Variants in ARHGEF12 observed in about 807,000 individuals in gnomAD.
The protein encoded by ARHGEF12 is KMT2A/ARHGEF12 fusion protein.
In ARHGEF12, 66 loss-of-function variants were observed where a neutral mutation model predicts 211.2. That is an observed-to-expected ratio of 0.31 (90% CI 0.26 to 0.38). The LOEUF (loss-of-function observed/expected upper bound fraction) is 0.38. Among genes scored for constraint, ARHGEF12 ranks in the 10% least tolerant of loss-of-function variants. The pLI, the probability that ARHGEF12 is intolerant of heterozygous loss-of-function variation, is 1.00. For missense variants in ARHGEF12, 1,429 were observed against 1,869.5 expected (o/e 0.76, Z 4.34); for synonymous variants, 592 against 638.4 (o/e 0.93, Z 1.09).
At chr11:120,402,978 TGTAA>T (rs1398440294) in intron 1 of ARHGEF12, among the ~76,000 whole-genome samples, 1 of 152,226 alleles carries the variant, frequency 6.6e-6, no homozygotes, top group Non-Finnish European at 1.5e-5. Flanking sequence ...TTGGTTAAAA[TGTAA>T]GTCTTACTCT....
chr11:120,413,980 A>C (rs142972749), intron 4 of ARHGEF12, among the ~76,000 whole-genome samples: 250 of 152,336 alleles, frequency 1.6e-3, no homozygotes, highest in African/African-American at 5.7e-3. Context: ...TTTCAGGAAC[A>C]GTTATAGAAT....
chr11:120,405,952 A>C, intron 1 of ARHGEF12, 166 bp from the exon 2 acceptor site: 2 of 553,396 alleles, frequency 3.6e-6, no homozygotes, highest in Non-Finnish European at 6.2e-6. Context: ...TAAGATACTT[A>C]AACATGGTGT....
At chr11:120,347,266 C>CTCTCTCTCTG (rs1426650315) in intron 1 of ARHGEF12, among the ~76,000 whole-genome samples, 120 of 133,594 alleles carry the variant, frequency 9.0e-4, no homozygotes, top group African/African-American at 3.3e-3. Flanking sequence ...CTCTCTCTCT[C>CTCTCTCTCTG]TGTCTGTGTG....
Position 120,392,359 on chromosome 11 carries a change from C to G in ARHGEF12, c.33-13759C>G, listed in dbSNP as rs141502235. On this transcript the variant is annotated intron_variant, in intron 1 of 40. Coordinates refer to ENST00000397843, the MANE Select transcript of ARHGEF12 (RefSeq NM_015313.3). ...TAATATCTTTTTTTAATAGCACTTA[C>G]CACGATTTGAAATTCTTTGGTACAA... Among the ~76,000 whole-genome samples the G allele has an allele frequency of 2.1e-3, 315 of 152,158 alleles. 4 individuals carry two copies. The highest frequency in any genetic ancestry group is 7.3e-3 in the African/African-American group (303 of 41,488).
At chr11:120,425,107 G>T (rs1011993092) in intron 7 of ARHGEF12, among the ~76,000 whole-genome samples, 1 of 152,076 alleles carries the variant, frequency 6.6e-6, no homozygotes, top group East Asian at 1.9e-4. Context: ...CCTCGAGCTG[G>T]CAGTGAGTTA....
rs17123855 is a variant in ARHGEF12, at chr11:120,362,088, A to G, written c.32+24813A>G. On this transcript the variant is annotated intron_variant, in intron 1 of 40. Transcript: ENST00000397843. ...GCTGCCACCAAAGTACCAAGAAAGA[A>G]TATCATGCTTGATGATAAAATAAAA... Among the ~76,000 whole-genome samples the G allele has an allele frequency of 8.2e-3, 1,252 of 152,368 alleles. 17 individuals are homozygous for G. Among genetic ancestry groups the G allele is most frequent in the African/African-American group, 0.027 (1,128 of 41,596 alleles).
Position 120,446,274 on chromosome 11 carries a change from C to T in ARHGEF12, c.1346-129C>T, listed in dbSNP as rs73584104. ...AATCAGAATTCTGGGATGAAATATA[C>T]GAACTGCCCTGAAGAACTTCCCTCT... On this transcript the variant is annotated intron_variant, in intron 16 of 40. Transcript: ENST00000397843. 2,636 of 345,578 alleles carry T rather than the reference C, an allele frequency of 7.6e-3. 62 individuals carry two copies. Among genetic ancestry groups the T allele is most frequent in the African/African-American group, 0.05 (2,345 of 46,692 alleles). 21.4% of individuals were successfully genotyped at this position (345,578 alleles called of 1,614,324 possible). A position where few individuals can be genotyped will look rare whatever the true frequency, so the allele number is the denominator to read the frequency against.
intron 4 of ARHGEF12, among the ~76,000 whole-genome samples, chr11:120,417,091 G>A (rs1336651006): frequency 6.6e-6 from 1 of 152,204 alleles, no homozygotes; most frequent in South Asian, 2.1e-4. Flanking sequence ...ATATTTGTTA[G>A]ACATTAAGCT....
chr11:120,376,866 C>T (rs1040487365), intron 1 of ARHGEF12, among the ~76,000 whole-genome samples: 1 of 152,126 alleles, frequency 6.6e-6, no homozygotes, highest in Non-Finnish European at 1.5e-5. Flanking sequence ...ATTTTTAGCT[C>T]CCACAAATGA....
chr11:120,366,709 C>A (rs1943430691), intron 1 of ARHGEF12, among the ~76,000 whole-genome samples: 2 of 152,172 alleles, frequency 1.3e-5, no homozygotes, highest in Non-Finnish European at 2.9e-5. Context: ...CAACATCCAA[C>A]ATCAGTGGAT....
intron 2 of ARHGEF12, among the ~76,000 whole-genome samples, chr11:120,406,793 C>T (rs910219731): frequency 6.6e-5 from 10 of 152,044 alleles, no homozygotes; most frequent in African/African-American, 9.7e-5. Flanking sequence ...CTCCTGACCT[C>T]GTGATTCGCC....
chr11:120,384,027 A>T (rs1201360795), intron 1 of ARHGEF12, among the ~76,000 whole-genome samples: 2 of 152,268 alleles, frequency 1.3e-5, no homozygotes, highest in Non-Finnish European at 2.9e-5. Flanking sequence ...GTTTCTTAGG[A>T]TACTTGGGCT....
chr11:120,338,009 G>A (rs1942409756), intron 1 of ARHGEF12: 1 of 658,320 alleles, frequency 1.5e-6, no homozygotes. Flanking sequence ...GTCCTTTATA[G>A]CACCTACCAG....
Position 120,489,085 on chromosome 11 carries a change from A to G in ARHGEF12, c.*4008A>G, listed in dbSNP as rs1038203904. On this transcript the variant is annotated 3_prime_UTR_variant, in exon 41 of 41. Transcript: ENST00000397843. ...GGTTGATTTGTCTTGTCCAAGTTAT[A>G]TTAGAAAAGTTGAGGAGTCGAGGAG... 1.8e-5 allele frequency: 4 copies of G among 222,502 alleles called. No homozygotes were observed. The highest frequency in any genetic ancestry group is 8.9e-5 in the African/African-American group (4 of 44,736). The allele number at this position is 222,502 out of a possible 1,614,324, so 13.8% of individuals were successfully genotyped here.
At position 120,381,512 on chromosome 11, in the gene ARHGEF12, G is replaced by A. The variant is rs12418364; in HGVS notation, c.33-24606G>A. Among the ~76,000 whole-genome samples the A allele has an allele frequency of 2.8e-3, 433 of 152,222 alleles. 5 individuals are homozygous for A. Among genetic ancestry groups the A allele is most frequent in the Admixed American group, 0.021 (327 of 15,292 alleles). The stretch of plus-strand genomic sequence containing the variant: ...CCTTACAATTTCAAGTCAAAACACC[G>A]TGTTCCAAAGTTTGTTAGGTAAGCT... On this transcript the variant is annotated intron_variant, in intron 1 of 40. Transcript: ENST00000397843.
chr11:120,438,645 C>T (rs1439321979), intron 12 of ARHGEF12: 1 of 152,154 alleles, frequency 6.6e-6, no homozygotes, highest in Non-Finnish European at 1.5e-5. Context: ...ACTATAACTG[C>T]TGTGCAAATG....
Position 120,442,179 on chromosome 11 carries a change from C to G in ARHGEF12, c.1279C>G (p.Gln427Glu). The G allele has an allele frequency of 6.2e-7, 1 of 1,609,956 alleles. No individual in the cohort carries two copies. The highest frequency in any genetic ancestry group is 8.5e-7 in the Non-Finnish European group (1 of 1,178,954). The change falls in exon 15 of 41, where the codon CAG becomes GAG. Residue 427 changes from glutamine (Q) to glutamate (E), a missense_variant. By Grantham distance (29) the Gln-to-Glu change is conservative. This residue lies in a region of ARHGEF12 where 373 missense variants were observed against 467.5 expected (regional missense o/e 0.80). Transcript: ENST00000397843. ...ETRRIFLEFH[Q>E]FFLDRSAHLK... ...TCGTCGCATCTTCCTTGAGTTTCAT[C>G]AGTTCTTTCTAGATCGATCAGCAGT...
At chr11:120,416,531 C>G (rs1011015638) in intron 4 of ARHGEF12, among the ~76,000 whole-genome samples, 4 of 152,184 alleles carry the variant, frequency 2.6e-5, no homozygotes, top group East Asian at 1.9e-4. Flanking sequence ...CCAGCTGTCT[C>G]TCATCTTCTA....
chr11:120,380,230 T>G (rs1422902026), intron 1 of ARHGEF12, among the ~76,000 whole-genome samples: 1 of 152,210 alleles, frequency 6.6e-6, no homozygotes, highest in East Asian at 1.9e-4. Context: ...AAAATTCACG[T>G]AGAGTTCCCA....
Sources: gnomAD v4.1 joint callset for allele counts (sites outside exome capture counted in the v4.1 genomes callset) on GRCh38, gnomAD v4.1.1 for gene constraint, gnomAD v4.1.1 regional missense constraint, MANE v1.5 for transcripts, NCBI Gene and HGNC (gene_info 2026-07-23, HGNC 2026-07-21) for gene names.